Variants in ADARB2 observed in about 807,000 individuals in gnomAD.
The protein encoded by ADARB2 is adenosine deaminase RNA specific B2 (inactive), also known as inactive double-stranded RNA-specific editase B2.
Under a neutral mutation model 62.2 loss-of-function variants are expected in ADARB2, and 25 were observed. The ratio of observed to expected loss-of-function variants is 0.40; its 90% CI spans 0.29 to 0.56. The LOEUF (loss-of-function observed/expected upper bound fraction) is 0.56. Ranked by LOEUF, ADARB2 falls within the 20% of genes least tolerant of loss-of-function variation. ADARB2 has a pLI of 0.43. For synonymous variants in ADARB2, 572 were observed against 500.8 expected (o/e 1.14, Z -1.90); for missense variants, 1,071 against 1,077.4 (o/e 0.99, Z 0.08).
rs141520432 is a variant in ADARB2 at position 1,598,620 on chromosome 10, T to C, written c.100+138431A>G. Among the ~76,000 whole-genome samples the C allele has an allele frequency of 3.1e-3, 465 of 152,138 alleles. 13 individuals are homozygous for C. In the East Asian group the frequency reaches 0.046, roughly 15 times the overall value. ...CTGAGCTACACACAATTCCGGAAGATCCTGACAGCAAGCCCCTGAGAGGAG... is the reference window on the plus strand; with the variant it reads ...CTGAGCTACACACAATTCCGGAAGACCCTGACAGCAAGCCCCTGAGAGGAG... On this transcript the variant is annotated intron_variant, in intron 1 of 9. Transcript: ENST00000381312.
intron 1 of ADARB2, among the ~76,000 whole-genome samples, chr10:1,481,639 A>ATT (rs1831471933): frequency 2.1e-4 from 4 of 19,260 alleles, no homozygotes; most frequent in South Asian, 0.042. Context: ...TGTGCGGATC[A>ATT]CGAGGTCAGG....
chr10:1,577,956 G>T (rs6560739), intron 1 of ADARB2, among the ~76,000 whole-genome samples: 4,695 of 152,286 alleles, frequency 0.031, 233 homozygotes, highest in African/African-American at 0.11. Context: ...GAAGACAGTG[G>T]CTGCAAGCCA....
chr10:1,235,358 T>G (rs1238580185), intron 5 of ADARB2, among the ~76,000 whole-genome samples: 1 of 102,954 alleles, frequency 9.7e-6, no homozygotes, highest in Non-Finnish European at 2.0e-5. Flanking sequence ...GTGAATGATT[T>G]GCCTGTTGCA....
chr10:1,444,636 C>G (rs544490795), intron 1 of ADARB2, among the ~76,000 whole-genome samples: 109 of 151,742 alleles, frequency 7.2e-4, no homozygotes, highest in African/African-American at 2.5e-3. Context: ...ATTCATCTGT[C>G]TATCCATCCA....
At chr10:1,383,627 A>G (rs1033941500) in intron 1 of ADARB2, among the ~76,000 whole-genome samples, 2 of 152,220 alleles carry the variant, frequency 1.3e-5, no homozygotes, top group African/African-American at 4.8e-5. Context: ...AAATCAAAAT[A>G]ACTGCACATA....
chr10:1,418,270 C>A (rs537736241), intron 1 of ADARB2, among the ~76,000 whole-genome samples: 179 of 152,310 alleles, frequency 1.2e-3, no homozygotes, highest in Non-Finnish European at 2.2e-3. Context: ...GCTATGAGCA[C>A]CCCTGGAGTT....
At chr10:1,519,851 C>T (rs1162705663) in intron 1 of ADARB2, among the ~76,000 whole-genome samples, 3 of 152,182 alleles carry the variant, frequency 2.0e-5, no homozygotes, top group Non-Finnish European at 4.4e-5. Context: ...GATCTTGTAA[C>T]TCTTACCTCC....
Position 1,484,396 on chromosome 10 carries a change from C to T in ADARB2, c.101-105236G>A, listed in dbSNP as rs142240585. ...GCCGGACAGCTGAGCGTCCCTGTGC[C>T]GCTGCCACCCCAGGCTGCCGCCCAC... On this transcript the variant is annotated intron_variant, in intron 1 of 9. Transcript: ENST00000381312. 2.1e-3 allele frequency among the ~76,000 whole-genome samples: 315 copies of T among 152,330 alleles called. 2 individuals are homozygous for T. The highest frequency in any genetic ancestry group is 0.015 in the East Asian group (77 of 5,182).
intron 1 of ADARB2, among the ~76,000 whole-genome samples, chr10:1,705,184 T>C (rs1469925339): frequency 1.3e-5 from 2 of 152,224 alleles, no homozygotes; most frequent in Non-Finnish European, 2.9e-5. Flanking sequence ...GTCCTCTTGA[T>C]CTAATGACGA....
At chr10:1,647,503 A>G (rs970735416) in intron 1 of ADARB2, among the ~76,000 whole-genome samples, 8 of 152,198 alleles carry the variant, frequency 5.3e-5, no homozygotes, top group African/African-American at 1.9e-4. Context: ...ACATGTGTAT[A>G]TATATGCCTG....
intron 1 of ADARB2, among the ~76,000 whole-genome samples, chr10:1,393,778 A>C (rs1832589561): frequency 6.6e-6 from 1 of 152,202 alleles, no homozygotes; most frequent in Non-Finnish European, 1.5e-5. Flanking sequence ...GTGGGCACAG[A>C]TACAGGTGGT....
intron 4 of ADARB2, among the ~76,000 whole-genome samples, chr10:1,247,737 CAG>C (rs1490212558): frequency 1.3e-5 from 2 of 152,218 alleles, no homozygotes; most frequent in Non-Finnish European, 2.9e-5. Flanking sequence ...ACCCCCATCA[CAG>C]GGGACAGCGC....
chr10:1,306,762 G>T (rs192173496), intron 3 of ADARB2, among the ~76,000 whole-genome samples: 11 of 146,920 alleles, frequency 7.5e-5, no homozygotes, highest in African/African-American at 2.5e-4. Flanking sequence ...GAACAGAGCC[G>T]TCAGAAATAA....
chr10:1,673,729 G>A (rs1834423747), intron 1 of ADARB2, among the ~76,000 whole-genome samples: 2 of 152,198 alleles, frequency 1.3e-5, no homozygotes, highest in South Asian at 4.1e-4. Flanking sequence ...GGCTCAGGAC[G>A]GGGAACAGGA....
At chr10:1,316,593 C>T (rs1462803581) in intron 3 of ADARB2, among the ~76,000 whole-genome samples, 1 of 152,106 alleles carries the variant, frequency 6.6e-6, no homozygotes, top group African/African-American at 2.4e-5. Flanking sequence ...ATGGTACAAC[C>T]GTAAATCTTA....
intron 1 of ADARB2, among the ~76,000 whole-genome samples, chr10:1,675,770 G>T (rs903236666): frequency 6.6e-6 from 1 of 152,168 alleles, no homozygotes; most frequent in Non-Finnish European, 1.5e-5. Context: ...CAGTCTCTGA[G>T]CTGGTGATGT....
At chr10:1,210,642 C>A (rs1389446958) in intron 7 of ADARB2, among the ~76,000 whole-genome samples, 5 of 152,224 alleles carry the variant, frequency 3.3e-5, no homozygotes, top group African/African-American at 1.2e-4. Context: ...CACGTCGCAG[C>A]GATTCCTATT....
chr10:1,184,853 C>G lies in ADARB2; in HGVS notation c.2043+8G>C, dbSNP rs200137747. ...TCCAGTTTCCCTGCAAGGATGGGTG[C>G]GACCTACCCTGCCATACAGCCGCGC... On this transcript the variant is annotated splice_region_variant and intron_variant, in intron 9 of 9. Transcript: ENST00000381312. 3 of 1,609,030 alleles carry G rather than the reference C, an allele frequency of 1.9e-6. No individual in the cohort carries two copies. The highest frequency in any genetic ancestry group is 1.1e-5 in the South Asian group (1 of 90,592).
At chr10:1,576,140 A>T (rs1466714187) in intron 1 of ADARB2, among the ~76,000 whole-genome samples, 1 of 32,010 alleles carries the variant, frequency 3.1e-5, no homozygotes, top group Non-Finnish European at 5.7e-5. Flanking sequence ...GGGTCACAAG[A>T]GGGGGGTCCA....
Sources: gnomAD v4.1 joint callset for allele counts (sites outside exome capture counted in the v4.1 genomes callset) on GRCh38, gnomAD v4.1.1 for gene constraint, MANE v1.5 for transcripts, NCBI Gene and HGNC (gene_info 2026-07-23, HGNC 2026-07-21) for gene names.